Variants in MGAT4D observed in about 807,000 individuals in gnomAD.
MGAT4D encodes alpha-1,3-mannosyl-glycoprotein 4-beta-N-acetylglucosaminyltransferase-like protein MGAT4D.
A neutral mutation model predicts 15.9 loss-of-function variants in MGAT4D; 34 were observed. The ratio of observed to expected loss-of-function variants is 2.14; its 90% CI spans 1.62 to 2.84. The LOEUF is 2.84. MGAT4D is among the 30% of genes most tolerant of loss of function. The pLI, the probability that MGAT4D is intolerant of heterozygous loss-of-function variation, is 0.00. For missense variants in MGAT4D, 327 were observed against 140.2 expected (o/e 2.33, Z -6.73); for synonymous variants, 112 against 48.2 (o/e 2.33, Z -5.49).
intron 1 of MGAT4D, among the ~76,000 whole-genome samples, chr4:140,494,612 G>C (rs1237912402): frequency 6.6e-6 from 1 of 152,122 alleles, no homozygotes; most frequent in East Asian, 1.9e-4. Flanking sequence ...TCATACATAA[G>C]AGAAATAGTG....
intron 1 of MGAT4D, among the ~76,000 whole-genome samples, chr4:140,491,371 T>C (rs72941719): frequency 6.4e-4 from 97 of 152,228 alleles, no homozygotes; most frequent in African/African-American, 2.2e-3. Flanking sequence ...TTGGGTGCTC[T>C]AGAATGAGCC....
At chr4:140,475,739 A>G (rs569094973) in intron 3 of MGAT4D, among the ~76,000 whole-genome samples, 1 of 149,096 alleles carries the variant, frequency 6.7e-6, no homozygotes, top group Admixed American at 6.7e-5. Flanking sequence ...AAGAAAAACT[A>G]TGGAACTTTG....
intron 1 of MGAT4D, among the ~76,000 whole-genome samples, chr4:140,497,911 A>T (rs1054306788): frequency 1.3e-5 from 2 of 152,076 alleles, no homozygotes; most frequent in Non-Finnish European, 2.9e-5. Context: ...GCGGCCCTGG[A>T]GGAGGAGGTC....
chr4:140,451,427 TTC>T lies in MGAT4D; in HGVS notation c.1097_1098del (p.Arg366LysfsTer5). 1.6e-6 allele frequency: 1 copy of T among 610,218 alleles called. No individual in the cohort carries two copies. The highest frequency in any genetic ancestry group is 3.0e-6 in the Non-Finnish European group (1 of 336,076). 37.8% of individuals were successfully genotyped at this position (610,218 alleles called of 1,614,324 possible). A position where few individuals can be genotyped will look rare whatever the true frequency, so the allele number is the denominator to read the frequency against. ...QHVGIHSSFP[R>X]KEQYEKKI is the part of the protein sequence containing the mutation. ...AATCTTACTTTTTCATATTGTTCTT[TTC>T]TAGGGAATGATGAATGTATACCCAC... On this transcript the variant is annotated frameshift_variant, in exon 10 of 11. Transcript: ENST00000511113. LOFTEE classifies it high-confidence loss of function.
intron 9 of MGAT4D, among the ~76,000 whole-genome samples, chr4:140,453,384 T>C (rs1466584443): frequency 2.0e-5 from 3 of 152,132 alleles, no homozygotes; most frequent in African/African-American, 2.4e-5. Context: ...TCCCAATCTA[T>C]GATCATGGTA....
intron 1 of MGAT4D, among the ~76,000 whole-genome samples, chr4:140,493,016 T>C (rs920965310): frequency 6.6e-6 from 1 of 152,356 alleles, no homozygotes; most frequent in East Asian, 1.9e-4. Flanking sequence ...TTTAAGTGAA[T>C]TGGGTACTGT....
intron 5 of MGAT4D, among the ~76,000 whole-genome samples, chr4:140,465,502 T>C (rs981826872): frequency 6.6e-6 from 1 of 152,252 alleles, no homozygotes; most frequent in African/African-American, 2.4e-5. Context: ...TTAGCATCTT[T>C]ATTTTTAAAC....
chr4:140,483,736 A>G (rs1193723696), intron 1 of MGAT4D, among the ~76,000 whole-genome samples: 1 of 152,208 alleles, frequency 6.6e-6, no homozygotes, highest in African/African-American at 2.4e-5. Flanking sequence ...TCTTTGACAA[A>G]GTTTCCAAGA....
At chr4:140,453,343 G>C (rs1445301515) in intron 9 of MGAT4D, among the ~76,000 whole-genome samples, 1 of 151,896 alleles carries the variant, frequency 6.6e-6, no homozygotes, top group Admixed American at 6.6e-5. Context: ...GACCAATTAG[G>C]GTAACATTCA....
Position 140,451,472 on chromosome 4 carries a change from G to A in MGAT4D, c.1054C>T (p.Pro352Ser), listed in dbSNP as rs907218263. 2 of 617,816 alleles carry A rather than the reference G, an allele frequency of 3.2e-6. No homozygotes were observed. Among genetic ancestry groups the A allele is most frequent in the African/African-American group, 3.6e-5 (2 of 55,102 alleles). 38.3% of individuals were successfully genotyped at this position (617,816 alleles called of 1,614,324 possible). A position where few individuals can be genotyped will look rare whatever the true frequency, so the allele number is the denominator to read the frequency against. The change falls in exon 10 of 11, where the codon CCT becomes TCT. Residue 352 changes from proline (P) to serine (S), a missense_variant. Transcript: ENST00000511113. ...RKKQIRIQYK[P>S]SLFQHVGIHS... Reference sequence around the variant, plus strand: ...ATACCCACATGCTGGAAAAGAGAAGGTTTATACTGAATACGTATTTGCTTC... The same window carrying A: ...ATACCCACATGCTGGAAAAGAGAAGATTTATACTGAATACGTATTTGCTTC...
At chr4:140,444,241 C>T (rs957261903) in intron 10 of MGAT4D, among the ~76,000 whole-genome samples, 4 of 151,866 alleles carry the variant, frequency 2.6e-5, no homozygotes, top group South Asian at 2.1e-4. Context: ...ATTTTAGGCT[C>T]AGGGGTACAT....
Position 140,482,499 on chromosome 4 carries a change from A to G in MGAT4D, c.95-14T>C. The G allele has an allele frequency of 3.2e-6, 2 of 619,370 alleles. No individual in the cohort carries two copies. The highest frequency in any genetic ancestry group is 2.8e-6 in the Non-Finnish European group (1 of 353,118). 38.4% of individuals were successfully genotyped at this position (619,370 alleles called of 1,614,324 possible). A position where few individuals can be genotyped will look rare whatever the true frequency, so the allele number is the denominator to read the frequency against. On this transcript the variant is annotated splice_polypyrimidine_tract_variant and intron_variant, in intron 1 of 10. Coordinates refer to ENST00000511113, the MANE Select transcript of MGAT4D (RefSeq NM_001277353.2). ...TTAATTGATTATCTGCAATGAAAAC[A>G]TATGTATATATTTGTACATGTAGCA... is the stretch of plus-strand genomic sequence containing the variant.
At chr4:140,485,850 C>CAAAAAAAAAAAAAAAAAAAAAAAAAAA (rs1578712314) in intron 1 of MGAT4D, among the ~76,000 whole-genome samples, 3 of 41,948 alleles carry the variant, frequency 7.2e-5, no homozygotes, top group Middle Eastern at 0.023. Context: ...AAAAAAAAAG[C>CAAAAAAAAAAAAAAAAAAAAAAAAAAA]AATGATGATA....
rs1306800896 is a variant in MGAT4D, at chr4:140,442,717, C to T, written c.*719G>A. On this transcript the variant is annotated 3_prime_UTR_variant, in exon 11 of 11. Coordinates refer to ENST00000511113, the MANE Select transcript of MGAT4D (RefSeq NM_001277353.2). ...AAGTCATATGGAACACAAGGATTCACAACAATTCTCAAAATTTTATCACAC... is the reference window on the plus strand; with the variant it reads ...AAGTCATATGGAACACAAGGATTCATAACAATTCTCAAAATTTTATCACAC... 6.6e-6 allele frequency: 1 copy of T among 152,010 alleles called. No homozygotes were observed. Among genetic ancestry groups the T allele is most frequent in the African/African-American group, 2.4e-5 (1 of 41,414 alleles). 9.4% of individuals were successfully genotyped at this position (152,010 alleles called of 1,614,324 possible).
At chr4:140,480,778 C>G (rs1266558084) in intron 2 of MGAT4D, among the ~76,000 whole-genome samples, 1 of 132,448 alleles carries the variant, frequency 7.6e-6, no homozygotes, top group East Asian at 2.3e-4. Context: ...CACACACACA[C>G]ACACACACGC....
chr4:140,454,682 T>C (rs1730684744), intron 9 of MGAT4D, among the ~76,000 whole-genome samples: 1 of 152,168 alleles, frequency 6.6e-6, no homozygotes, highest in Admixed American at 6.5e-5. Flanking sequence ...TGTTATTATT[T>C]CATCTCTGTT....
chr4:140,451,994 CAAA>C (rs34218902), intron 9 of MGAT4D, among the ~76,000 whole-genome samples: 5,800 of 144,834 alleles, frequency 0.04, 362 homozygotes, highest in African/African-American at 0.14. Context: ...ATAATTTTCT[CAAA>C]AAAAAAAAAA....
At chr4:140,463,784 G>A (rs1344998460) in intron 6 of MGAT4D, among the ~76,000 whole-genome samples, 1 of 152,182 alleles carries the variant, frequency 6.6e-6, no homozygotes, top group Non-Finnish European at 1.5e-5. Context: ...GCTGACAGAA[G>A]GAAGTTAATG....
chr4:140,485,589 A>G (rs1248040615), intron 1 of MGAT4D, among the ~76,000 whole-genome samples: 1 of 151,398 alleles, frequency 6.6e-6, no homozygotes, highest in Non-Finnish European at 1.5e-5. Flanking sequence ...TATTAAAAAA[A>G]TTAAAAATAG....
Sources: allele counts gnomAD v4.1 joint callset (sites outside exome capture counted in the v4.1 genomes callset), GRCh38; gene constraint gnomAD v4.1.1; transcripts MANE v1.5; gene names NCBI Gene and HGNC (gene_info 2026-07-23, HGNC 2026-07-21).